MCC: variants seen among roughly 807,000 people sequenced by gnomAD.
The protein encoded by MCC is colorectal mutant cancer protein.
MCC carries 90 observed loss-of-function variants against 116.2 expected under a neutral mutation model. The observed-to-expected ratio is 0.77, with a 90% CI of 0.65 to 0.92. The LOEUF is 0.92. Ranked by LOEUF, MCC falls within the 40% of genes least tolerant of loss-of-function variation. The pLI, the probability that MCC is intolerant of heterozygous loss-of-function variation, is 0.00. For missense variants in MCC, 1,516 were observed against 1,312.2 expected (o/e 1.16, Z -2.40); for synonymous variants, 578 against 510.5 (o/e 1.13, Z -1.78).
intron 16 of MCC, among the ~76,000 whole-genome samples, chr5:113,046,685 CAAAAAAAAAAAAAAA>C (rs151183145): frequency 5.1e-5 from 3 of 58,396 alleles, no homozygotes; most frequent in Admixed American, 4.0e-4. Flanking sequence ...ACTCAAAAGG[CAAAAAAAAAAAAAAA>C]AAAAAAAAAA....
chr5:113,210,164 G>A (rs950845203), intron 3 of MCC, among the ~76,000 whole-genome samples: 1 of 152,158 alleles, frequency 6.6e-6, no homozygotes, highest in Non-Finnish European at 1.5e-5. Context: ...AGAGCTGTGG[G>A]TGGGAAGAGT....
intron 12 of MCC, 42 bp from the exon 13 acceptor site, chr5:113,068,225 G>C: frequency 6.7e-7 from 1 of 1,489,686 alleles, no homozygotes; most frequent in Non-Finnish European, 9.3e-7. Flanking sequence ...GCAGAGAACA[G>C]CGGACACCTT....
At chr5:113,350,018 A>T (rs1286937502) in intron 2 of MCC, among the ~76,000 whole-genome samples, 3 of 152,108 alleles carry the variant, frequency 2.0e-5, no homozygotes, top group Non-Finnish European at 4.4e-5. Flanking sequence ...AAAACTATAA[A>T]ACACTGATGA....
chr5:113,029,082 C>G, intron 17 of MCC, 26 bp from the exon 18 acceptor site: 3 of 1,595,824 alleles, frequency 1.9e-6, no homozygotes, highest in Non-Finnish European at 2.6e-6. Flanking sequence ...CAAAATATGC[C>G]AGGAGTAGTT....
chr5:113,438,388 A>G (rs977094998), intron 1 of MCC, among the ~76,000 whole-genome samples: 3 of 152,220 alleles, frequency 2.0e-5, no homozygotes, highest in Admixed American at 6.5e-5. Context: ...GCCACATCTT[A>G]TTAGTACAGT....
intron 3 of MCC, among the ~76,000 whole-genome samples, chr5:113,151,876 T>C (rs999479192): frequency 1.3e-5 from 2 of 151,892 alleles, no homozygotes; most frequent in African/African-American, 2.4e-5. Context: ...TTGCTGCATA[T>C]GTGACAGGCA....
At chr5:113,191,617 C>T (rs1762153457) in intron 3 of MCC, among the ~76,000 whole-genome samples, 2 of 152,326 alleles carry the variant, frequency 1.3e-5, no homozygotes, top group South Asian at 4.2e-4. Flanking sequence ...GCAGAGGTTT[C>T]CTCGCCACAT....
intron 1 of MCC, among the ~76,000 whole-genome samples, chr5:113,487,196 C>CTTTTTTTT (rs1335934591): frequency 7.2e-6 from 1 of 139,640 alleles, no homozygotes; most frequent in Non-Finnish European, 1.6e-5. Flanking sequence ...ACTTTGCTTT[C>CTTTTTTTT]TTTTTTTTTT....
At chr5:113,309,993 T>G (rs1250227434) in intron 3 of MCC, among the ~76,000 whole-genome samples, 1 of 151,862 alleles carries the variant, frequency 6.6e-6, no homozygotes, top group Non-Finnish European at 1.5e-5. Flanking sequence ...AATTTCATAT[T>G]CTAGAACTAA....
intron 1 of MCC, among the ~76,000 whole-genome samples, chr5:113,477,155 A>G (rs1257468020): frequency 6.6e-6 from 1 of 152,238 alleles, no homozygotes; most frequent in African/African-American, 2.4e-5. Context: ...GGCACAGCCT[A>G]GTATACAGTA....
rs933701379 is a variant in MCC at position 113,026,350 on chromosome 5, G to C, written c.*952C>G. 1 of 152,256 alleles carries C rather than the reference G, an allele frequency of 6.6e-6. No individual in the cohort carries two copies. 9.4% of individuals were successfully genotyped at this position (152,256 alleles called of 1,614,324 possible). On this transcript the variant is annotated 3_prime_UTR_variant, in exon 19 of 19. Transcript: ENST00000408903. The stretch of plus-strand genomic sequence containing the variant: ...CCTCAGTGTCTTGTCCTTAGGTAGA[G>C]ACAGGTCCAGAGCTACAAATGCACC...
At chr5:113,435,579 G>A (rs1770829040) in intron 1 of MCC, 1 of 152,372 alleles carries the variant, frequency 6.6e-6, no homozygotes, top group South Asian at 2.1e-4. Flanking sequence ...ACCCTCAGGA[G>A]TGCAGAGCAG....
intron 3 of MCC, among the ~76,000 whole-genome samples, chr5:113,183,602 G>A (rs1318520917): frequency 6.6e-6 from 1 of 152,062 alleles, no homozygotes. Flanking sequence ...TCCCCCCTCA[G>A]CTGCATTAAT....
intron 3 of MCC, among the ~76,000 whole-genome samples, chr5:113,227,229 C>T (rs866420083): frequency 3.9e-5 from 6 of 152,306 alleles, no homozygotes; most frequent in Non-Finnish European, 7.4e-5. Flanking sequence ...GTTATCTCTA[C>T]CTATTATCCT....
At chr5:113,082,439 G>A (rs1203328450) in intron 11 of MCC, among the ~76,000 whole-genome samples, 1 of 152,208 alleles carries the variant, frequency 6.6e-6, no homozygotes, top group Non-Finnish European at 1.5e-5. Flanking sequence ...TCCCTTCTGT[G>A]GTTCTCTGCA....
At chr5:113,111,827 A>T (rs2150262066) in intron 6 of MCC, among the ~76,000 whole-genome samples, 1 of 152,288 alleles carries the variant, frequency 6.6e-6, no homozygotes, top group South Asian at 2.1e-4. Context: ...AAAACTAAGA[A>T]TCCTAATGAG....
intron 3 of MCC, among the ~76,000 whole-genome samples, chr5:113,209,029 T>C (rs901334152): frequency 2.6e-5 from 4 of 152,194 alleles, no homozygotes; most frequent in African/African-American, 7.2e-5. Flanking sequence ...AAAAAGGAAA[T>C]TGATACAGGC....
rs547708657 is a variant in MCC, at chr5:113,210,708, A to C, written c.628-59286T>G. Among the ~76,000 whole-genome samples, 7 of 152,380 alleles carry C rather than the reference A, an allele frequency of 4.6e-5. 1 individual carries two copies. The South Asian group carries it at 1.4e-3, about 32-fold the overall frequency. On this transcript the variant is annotated intron_variant, in intron 3 of 18. Transcript: ENST00000408903. ...TACCAGGGAAGCTCCCTAAAGTTAG[A>C]AAGTTAATATCTAGTAAAGATAGAA...
At chr5:113,104,147 C>G in intron 7 of MCC, 45 bp downstream of exon 7, 1 of 1,534,336 alleles carries the variant, frequency 6.5e-7, no homozygotes, top group Non-Finnish European at 8.8e-7. Context: ...GACCATTTCC[C>G]TTTCAGAACC....
Sources: gnomAD v4.1 joint callset for allele counts (sites outside exome capture counted in the v4.1 genomes callset) on GRCh38, gnomAD v4.1.1 for gene constraint, MANE v1.5 for transcripts, NCBI Gene and HGNC (gene_info 2026-07-23, HGNC 2026-07-21) for gene names.